TMEM178B: variants seen among roughly 807,000 people sequenced by gnomAD.
TMEM178B encodes transmembrane protein 178B.
In TMEM178B, 5 loss-of-function variants were observed where a neutral mutation model predicts 31.0. The observed-to-expected ratio is 0.16, with a 90% confidence interval of 0.08 to 0.34. TMEM178B has a LOEUF of 0.34. TMEM178B is among the 10% of genes least tolerant of loss of function. The probability of loss-of-function intolerance (pLI) is 1.00; values close to 1 mark genes in which losing one functional copy is unlikely to be tolerated. For synonymous variants in TMEM178B, 164 were observed against 164.0 expected (o/e 1.00, Z 0.00); for missense variants, 275 against 400.3 (o/e 0.69, Z 2.67).
the TMEM178B span, among the ~76,000 whole-genome samples, chr7:141,493,318 G>A: frequency 2.0e-5 from 3 of 152,218 alleles, no homozygotes; most frequent in Non-Finnish European, 4.4e-5. Flanking sequence ...GTCCAGATGT[G>A]TGCGCACTTG....
At chr7:141,384,249 T>C (rs909497261) in intron 2 of TMEM178B, among the ~76,000 whole-genome samples, 3 of 152,346 alleles carry the variant, frequency 2.0e-5, no homozygotes, top group Admixed American at 6.5e-5. Context: ...AATTTTGGCT[T>C]TTGTTGCCAT....
At chr7:141,115,736 T>C (rs1355019939) in intron 1 of TMEM178B, among the ~76,000 whole-genome samples, 1 of 152,158 alleles carries the variant, frequency 6.6e-6, no homozygotes, top group East Asian at 1.9e-4. Context: ...AGAGTGACCT[T>C]TCCAAGGGCA....
At chr7:141,405,781 C>T (rs1800875429) in intron 2 of TMEM178B, among the ~76,000 whole-genome samples, 1 of 152,196 alleles carries the variant, frequency 6.6e-6, no homozygotes, top group Non-Finnish European at 1.5e-5. Context: ...GTCAGTGGGG[C>T]TCCCCCTTGC....
intron 2 of TMEM178B, among the ~76,000 whole-genome samples, chr7:141,395,638 C>T (rs1344461726): frequency 6.6e-6 from 1 of 152,156 alleles, no homozygotes; most frequent in Non-Finnish European, 1.5e-5. Flanking sequence ...TCAGTGGTTC[C>T]AGAACCCGAG....
chr7:141,079,883 T>A (rs903068019), intron 1 of TMEM178B, among the ~76,000 whole-genome samples: 6 of 152,216 alleles, frequency 3.9e-5, no homozygotes, highest in Non-Finnish European at 8.8e-5. Flanking sequence ...GTCAGATAAC[T>A]TGTGAATTCT....
chr7:141,303,509 C>T (rs909656501), intron 2 of TMEM178B, among the ~76,000 whole-genome samples: 2 of 152,228 alleles, frequency 1.3e-5, no homozygotes, highest in African/African-American at 4.8e-5. Flanking sequence ...AGATGGCCTC[C>T]CCAAACCTGA....
At chr7:141,426,951 A>G (rs1008030592) in intron 2 of TMEM178B, among the ~76,000 whole-genome samples, 1 of 152,184 alleles carries the variant, frequency 6.6e-6, no homozygotes, top group African/African-American at 2.4e-5. Context: ...AAAGAAATCA[A>G]GTACAGTATA....
intron 1 of TMEM178B, among the ~76,000 whole-genome samples, chr7:141,182,701 T>C (rs1042337177): frequency 6.6e-6 from 1 of 152,178 alleles, no homozygotes; most frequent in Non-Finnish European, 1.5e-5. Context: ...CAGGTGGAGA[T>C]AATTGAATCG....
In TMEM178B at chr7:141,461,128, C is replaced by T. The variant is rs191125794; in HGVS notation, c.635-9408C>T. On this transcript the variant is annotated intron_variant, in intron 3 of 3. Transcript: ENST00000565468. The surrounding 1 kb of genome is among the most constrained non-coding windows in gnomAD (Gnocchi z 4.0). Reference sequence around the variant, plus strand: ...CACTGTTGAAGGAGGAGGCCCTCTCCTTCTGTTTGCTGATTTGGTTCTTGT... The same window carrying T: ...CACTGTTGAAGGAGGAGGCCCTCTCTTTCTGTTTGCTGATTTGGTTCTTGT... 3.2e-4 allele frequency among the ~76,000 whole-genome samples: 48 copies of T among 152,322 alleles called. No homozygotes were observed. Among genetic ancestry groups the T allele is most frequent in the Admixed American group, 2.9e-3 (45 of 15,308 alleles).
chr7:141,276,731 G>A (rs200805369), intron 2 of TMEM178B, among the ~76,000 whole-genome samples: 17 of 152,086 alleles, frequency 1.1e-4, no homozygotes, highest in African/African-American at 2.7e-4. Context: ...TGATTTTGCC[G>A]TTATGCAAAT....
intron 2 of TMEM178B, among the ~76,000 whole-genome samples, chr7:141,407,128 G>A (rs1260728026): frequency 6.6e-6 from 1 of 152,210 alleles, no homozygotes; most frequent in Non-Finnish European, 1.5e-5. Context: ...GCAGAGTTGA[G>A]TAACAGAGAC....
chr7:141,162,491 G>T (rs188955677), intron 1 of TMEM178B, among the ~76,000 whole-genome samples: 1 of 152,182 alleles, frequency 6.6e-6, no homozygotes, highest in East Asian at 1.9e-4. Flanking sequence ...AAGCAAAATG[G>T]GCCCAACTAA....
intron 2 of TMEM178B, among the ~76,000 whole-genome samples, chr7:141,245,937 C>T (rs1467504210): frequency 3.3e-5 from 5 of 152,016 alleles, no homozygotes; most frequent in South Asian, 4.1e-4. Flanking sequence ...CTGGAACCAC[C>T]GTCAGACTGG....
At chr7:141,231,121 C>T (rs1318764489) in intron 2 of TMEM178B, among the ~76,000 whole-genome samples, 2 of 152,182 alleles carry the variant, frequency 1.3e-5, no homozygotes, top group African/African-American at 4.8e-5. Flanking sequence ...AGTTCTTTTA[C>T]AGCTTGGGGA....
At chr7:141,286,367 C>T (rs879778245) in intron 2 of TMEM178B, among the ~76,000 whole-genome samples, 3 of 152,120 alleles carry the variant, frequency 2.0e-5, no homozygotes, top group Non-Finnish European at 4.4e-5. Flanking sequence ...GGTATAGAGC[C>T]AGGACCTCAG....
At chr7:141,362,847 T>C (rs1332609279) in intron 2 of TMEM178B, among the ~76,000 whole-genome samples, 1 of 152,216 alleles carries the variant, frequency 6.6e-6, no homozygotes, top group African/African-American at 2.4e-5. Flanking sequence ...CCATTTCTCC[T>C]GGAGCGACAG....
intron 1 of TMEM178B, among the ~76,000 whole-genome samples, chr7:141,151,978 G>A (rs1289284117): frequency 1.3e-5 from 2 of 152,168 alleles, no homozygotes; most frequent in Admixed American, 6.5e-5. Flanking sequence ...TGCTACAGTG[G>A]GGGCAGTAAG....
At chr7:141,450,882 T>C (rs926646412) in intron 3 of TMEM178B, among the ~76,000 whole-genome samples, 1 of 152,158 alleles carries the variant, frequency 6.6e-6, no homozygotes, top group African/African-American at 2.4e-5. Flanking sequence ...GTTAAGTAAA[T>C]GATGGAGTCT....
intron 2 of TMEM178B, among the ~76,000 whole-genome samples, chr7:141,428,523 C>A (rs562242810): frequency 1.3e-5 from 2 of 152,098 alleles, no homozygotes; most frequent in Non-Finnish European, 2.9e-5. Context: ...TGGTATATGA[C>A]CTTCCTGTGA....
Sources: gnomAD v4.1 joint callset for allele counts (sites outside exome capture counted in the v4.1 genomes callset) on GRCh38, gnomAD v4.1.1 for gene constraint, Gnocchi (gnomAD v3.1) non-coding constraint, MANE v1.5 for transcripts, NCBI Gene and HGNC (gene_info 2026-07-23, HGNC 2026-07-21) for gene names.